Variants in PCDHA4 observed in about 807,000 individuals in gnomAD.
The protein encoded by PCDHA4 is protocadherin alpha-4.
Under a neutral mutation model 61.4 loss-of-function variants are expected in PCDHA4, and 49 were observed. That is an observed-to-expected ratio of 0.80 (90% CI 0.63 to 1.01). The LOEUF (loss-of-function observed/expected upper bound fraction) is 1.01. Ranked by LOEUF, PCDHA4 falls within the 50% of genes least tolerant of loss-of-function variation. PCDHA4 has a pLI of 0.00. For synonymous variants in PCDHA4, 590 were observed against 550.3 expected, an observed-to-expected ratio of 1.07 and a Z score of -1.01; for missense variants, 1,254 against 1,235.8, an observed-to-expected ratio of 1.01 and a Z score of -0.22.
At chr5:140,866,708 C>G (rs781977454) in intron 1 of PCDHA4, 2 of 152,102 alleles carry the variant, frequency 1.3e-5, no homozygotes, top group African/African-American at 2.4e-5. Flanking sequence ...ATGACGTGCA[C>G]TAGTAAGACA....
chr5:140,985,202 G>A (rs1554246846), intron 3 of PCDHA4, among the ~76,000 whole-genome samples: 1 of 152,204 alleles, frequency 6.6e-6, no homozygotes, highest in Non-Finnish European at 1.5e-5. Flanking sequence ...CTCCCAAAGT[G>A]TTGGGATTAC....
intron 1 of PCDHA4, among the ~76,000 whole-genome samples, chr5:140,943,277 AGAAAG>A (rs797041544): frequency 8.1e-4 from 104 of 129,164 alleles, no homozygotes; most frequent in African/African-American, 3.0e-3. Context: ...AAAAAAAAAA[AGAAAG>A]AAAGAATTAA....
chr5:140,835,892 G>T (rs1774026937), intron 1 of PCDHA4: 1 of 1,612,006 alleles, frequency 6.2e-7, no homozygotes, highest in Non-Finnish European at 8.5e-7. Context: ...GCGAGCGCGC[G>T]CTGTCGAGCT....
At chr5:140,948,764 G>T (rs962710607) in intron 1 of PCDHA4, among the ~76,000 whole-genome samples, 1 of 150,728 alleles carries the variant, frequency 6.6e-6, no homozygotes, top group African/African-American at 2.4e-5. Flanking sequence ...GATTTTTTTC[G>T]AATAGCCAGC....
In PCDHA4 at chr5:140,821,687, T is replaced by TA. The variant is rs1260014806; in HGVS notation, c.2385+12121dup. 1.9e-5 allele frequency: 26 copies of TA among 1,378,320 alleles called. No homozygotes were observed. In the Admixed American group the frequency reaches 5.5e-4, roughly 29 times the overall value. 85.4% of individuals were successfully genotyped at this position (1,378,320 alleles called of 1,614,324 possible). A position where few individuals can be genotyped will look rare whatever the true frequency, so the allele number is the denominator to read the frequency against. ...CAAGAAGCTCAGAAAGGCGATAATA[T>TA]AAAAAATATATAGTTAATTGGGAAT... On this transcript the variant is annotated intron_variant, in intron 1 of 3. Coordinates refer to ENST00000530339, the MANE Select transcript of PCDHA4 (RefSeq NM_018907.4).
intron 1 of PCDHA4, chr5:140,875,972 T>C (rs782102743): frequency 3.1e-6 from 5 of 1,614,068 alleles, no homozygotes; most frequent in Non-Finnish European, 4.2e-6. Flanking sequence ...GTAAACTCTC[T>C]TTTGACCTAT....
At chr5:140,860,243 C>G (rs189216184) in intron 1 of PCDHA4, 1 of 151,206 alleles carries the variant, frequency 6.6e-6, no homozygotes, top group Non-Finnish European at 1.5e-5. Context: ...CATGGTGGTA[C>G]ATGCCTTTAG....
At chr5:140,849,200 C>A (rs2150432715) in intron 1 of PCDHA4, 44 of 1,040,882 alleles carry the variant, frequency 4.2e-5, no homozygotes, top group Non-Finnish European at 5.3e-5. Context: ...TACTGGACAA[C>A]AATGACAATG....
chr5:140,848,337 CAA>C, intron 1 of PCDHA4: 2 of 873,308 alleles, frequency 2.3e-6, no homozygotes, highest in Non-Finnish European at 3.6e-6. Flanking sequence ...TGAATCCAGA[CAA>C]ATACAGCCCT....
intron 1 of PCDHA4, among the ~76,000 whole-genome samples, chr5:140,890,386 A>G (rs905205351): frequency 6.6e-6 from 1 of 152,202 alleles, no homozygotes; most frequent in Admixed American, 6.5e-5. Flanking sequence ...TCTTTCTTAG[A>G]TAATCTATAA....
At chr5:140,859,573 C>T (rs1254151950) in intron 1 of PCDHA4, 4 of 174,136 alleles carry the variant, frequency 2.3e-5, no homozygotes, top group African/African-American at 9.5e-5. Flanking sequence ...ATGAATTTGT[C>T]ATCTTGCCTA....
intron 1 of PCDHA4, chr5:140,843,343 G>C: frequency 6.3e-7 from 1 of 1,596,112 alleles, no homozygotes; most frequent in Non-Finnish European, 8.6e-7. Flanking sequence ...AGAGCGGCCA[G>C]GCTCCAAAAG....
At chr5:140,875,278 T>A in intron 1 of PCDHA4, 1 of 1,326,774 alleles carries the variant, frequency 7.5e-7, no homozygotes, top group Non-Finnish European at 9.9e-7. Context: ...ACTCAGAAGG[T>A]GAAACAGGAA....
intron 1 of PCDHA4, chr5:140,870,518 A>G: frequency 6.2e-7 from 1 of 1,614,230 alleles, no homozygotes; most frequent in Admixed American, 1.7e-5. Context: ...CCAGGCTGCC[A>G]CATCTTCACA....
At chr5:140,925,690 G>A (rs1029124411) in intron 1 of PCDHA4, among the ~76,000 whole-genome samples, 6 of 149,642 alleles carry the variant, frequency 4.0e-5, no homozygotes, top group African/African-American at 7.4e-5. Context: ...GCGAGGGTGG[G>A]TATCTAGCCT....
At chr5:140,870,659 T>C (rs2052268691) in intron 1 of PCDHA4, 2 of 1,612,520 alleles carry the variant, frequency 1.2e-6, no homozygotes, top group Non-Finnish European at 1.7e-6. Flanking sequence ...GTGTACGCGC[T>C]GCAGCCGTTG....
At chr5:140,858,376 A>G in intron 1 of PCDHA4, 2 of 1,587,998 alleles carry the variant, frequency 1.3e-6, no homozygotes. Flanking sequence ...GCCTTCCACC[A>G]TGCCCAATGG....
rs2150458780 is a variant in PCDHA4, at chr5:140,849,941, T to A, written c.2385+40369T>A. ...TCTTCACGGTGTCTGCGCGGGACGC[T>A]GACGCGCAGGAGAACGCCCTGGTGT... On this transcript the variant is annotated intron_variant, in intron 1 of 3. Transcript: ENST00000530339. The A allele has an allele frequency of 1.5e-5, 24 of 1,597,306 alleles. 2 individuals carry two copies. Among genetic ancestry groups the A allele is most frequent in the Non-Finnish European group, 1.9e-5 (22 of 1,167,576 alleles).
At chr5:140,888,487 A>G (rs2061843954) in intron 1 of PCDHA4, among the ~76,000 whole-genome samples, 1 of 152,162 alleles carries the variant, frequency 6.6e-6, no homozygotes, top group Admixed American at 6.5e-5. Context: ...CTGTTGAGAA[A>G]CTCTGCTTTA....
Sources: allele counts gnomAD v4.1 joint callset (sites outside exome capture counted in the v4.1 genomes callset), GRCh38; gene constraint gnomAD v4.1.1; transcripts MANE v1.5; gene names NCBI Gene and HGNC (gene_info 2026-07-23, HGNC 2026-07-21).